Variants in ITSN2 observed in about 807,000 individuals in gnomAD.
ITSN2 encodes intersectin-2.
In ITSN2, 156 loss-of-function variants were observed where a neutral mutation model predicts 243.7. The observed-to-expected ratio is 0.64, with a 90% CI of 0.56 to 0.73. The LOEUF (loss-of-function observed/expected upper bound fraction) is 0.73. ITSN2 is among the 30% of genes least tolerant of loss of function. ITSN2 has a pLI of 0.00. For synonymous variants in ITSN2, 703 were observed against 699.9 expected (o/e 1.00, Z -0.07); for missense variants, 1,801 against 1,996.1 (o/e 0.90, Z 1.86).
intron 17 of ITSN2, among the ~76,000 whole-genome samples, chr2:24,276,970 T>C (rs1678087394): frequency 6.6e-6 from 1 of 152,188 alleles, no homozygotes; most frequent in South Asian, 2.1e-4. Context: ...GATTAGAGAC[T>C]GAGCTGGAGA....
At position 24,238,310 on chromosome 2, in the gene ITSN2, T is replaced by C. The variant is rs1275951721; in HGVS notation, c.3577+7819A>G. Among the ~76,000 whole-genome samples, 3 of 152,210 alleles carry C rather than the reference T, an allele frequency of 2.0e-5. No individual in the cohort carries two copies. The East Asian group carries it at 5.8e-4, about 29-fold the overall frequency. ...CAGTTTTGTATCCCCAGCACCTGCT[T>C]AGCCTTATGTAAACACTTCATACAT... On this transcript the variant is annotated intron_variant, in intron 29 of 39. Transcript: ENST00000355123.
chr2:24,290,766 G>A (rs978859831), intron 15 of ITSN2, among the ~76,000 whole-genome samples: 1 of 151,894 alleles, frequency 6.6e-6, no homozygotes, highest in Non-Finnish European at 1.5e-5. Flanking sequence ...CTTATCCTAC[G>A]TTGCCATACA....
chr2:24,359,962 G>C (rs1276367489), intron 1 of ITSN2, among the ~76,000 whole-genome samples: 1 of 152,156 alleles, frequency 6.6e-6, no homozygotes, highest in Non-Finnish European at 1.5e-5. Context: ...AAGCGAGGGG[G>C]CCACGCCACC....
At chr2:24,215,665 T>TAA (rs59939223) in intron 32 of ITSN2, among the ~76,000 whole-genome samples, 14 of 128,614 alleles carry the variant, frequency 1.1e-4, no homozygotes, top group South Asian at 2.5e-4. Flanking sequence ...AGATTCTGTT[T>TAA]AAAAAAAAAA....
At chr2:24,350,965 AC>A (rs1265146193) in intron 1 of ITSN2, among the ~76,000 whole-genome samples, 2 of 152,202 alleles carry the variant, frequency 1.3e-5, no homozygotes, top group African/African-American at 4.8e-5. Context: ...ACTAAAAAAC[AC>A]TGAACTGTAA....
intron 2 of ITSN2, among the ~76,000 whole-genome samples, chr2:24,319,534 C>G (rs950449650): frequency 6.6e-6 from 1 of 152,184 alleles, no homozygotes; most frequent in Non-Finnish European, 1.5e-5. Context: ...TTCCAGAGGT[C>G]TTCCCCCACC....
intron 32 of ITSN2, chr2:24,214,571 T>C (rs976815990): frequency 1.3e-5 from 2 of 152,328 alleles, no homozygotes; most frequent in Admixed American, 1.3e-4. Flanking sequence ...TTTGTTAGCA[T>C]GTCTTTTGGA....
chr2:24,327,018 AAAT>A (rs1232716031), intron 2 of ITSN2, among the ~76,000 whole-genome samples: 2 of 152,116 alleles, frequency 1.3e-5, no homozygotes, highest in African/African-American at 2.4e-5. Context: ...TTTTCAATTT[AAAT>A]AATAAAGAAT....
intron 1 of ITSN2, among the ~76,000 whole-genome samples, chr2:24,333,928 C>T (rs948177836): frequency 6.6e-6 from 1 of 152,166 alleles, no homozygotes; most frequent in Non-Finnish European, 1.5e-5. Flanking sequence ...CTCATTCTGT[C>T]ACTCAGACTG....
chr2:24,219,416 T>C (rs755256538), intron 30 of ITSN2, among the ~76,000 whole-genome samples: 10 of 152,246 alleles, frequency 6.6e-5, no homozygotes, highest in Non-Finnish European at 1.3e-4. Context: ...AGGCCACTCC[T>C]GTGAGAGCAG....
chr2:24,343,543 A>G (rs1444400543), intron 1 of ITSN2, among the ~76,000 whole-genome samples: 2 of 152,212 alleles, frequency 1.3e-5, no homozygotes, highest in African/African-American at 2.4e-5. Flanking sequence ...AACATTCTTC[A>G]TACATGTGTG....
rs1217404564 is a variant in ITSN2, at chr2:24,315,300, TC to T, written c.32-77del. On this transcript the variant is annotated intron_variant, in intron 2 of 39. Coordinates refer to ENST00000355123, the MANE Select transcript of ITSN2 (RefSeq NM_006277.3). ...TACAATTCTAAAATGTAAATAGAAATCACAAGTGTTCATTGTATGACAGTAT... is the reference window on the plus strand; with the variant it reads ...TACAATTCTAAAATGTAAATAGAAATACAAGTGTTCATTGTATGACAGTAT... 3.8e-6 allele frequency: 3 copies of T among 796,412 alleles called. No homozygotes were observed. The East Asian group carries it at 7.6e-5, about 20-fold the overall frequency. 49.3% of individuals were successfully genotyped at this position (796,412 alleles called of 1,614,324 possible).
At position 24,204,163 on chromosome 2, in the gene ITSN2, C is replaced by G; in HGVS notation, c.4936+82G>C. Reference sequence around the variant, plus strand: ...TCCCTGAAGTGGCATGGGGTCTGCACACAGCTGAAGCCCCTAGATCTGGAC... The same window carrying G: ...TCCCTGAAGTGGCATGGGGTCTGCAGACAGCTGAAGCCCCTAGATCTGGAC... On this transcript the variant is annotated intron_variant, in intron 39 of 39. Transcript: ENST00000355123. This position sits in a 1 kb window ranked among gnomAD's most constrained non-coding sequence, Gnocchi z 5.1. 7.1e-7 allele frequency: 1 copy of G among 1,411,404 alleles called. No individual in the cohort carries two copies. The highest frequency in any genetic ancestry group is 9.9e-7 in the Non-Finnish European group (1 of 1,006,330). The allele number at this position is 1,411,404 out of a possible 1,614,324, so 87.4% of individuals were successfully genotyped here. A position where few individuals can be genotyped will look rare whatever the true frequency, so the allele number is the denominator to read the frequency against.
At chr2:24,278,880 G>A (rs1411977701) in intron 17 of ITSN2, among the ~76,000 whole-genome samples, 1 of 151,988 alleles carries the variant, frequency 6.6e-6, no homozygotes, top group Non-Finnish European at 1.5e-5. Context: ...GTGAATTGTT[G>A]AGCTCAGGCA....
chr2:24,221,084 TA>T lies in ITSN2; in HGVS notation c.3578-19del. 6.3e-7 allele frequency: 1 copy of T among 1,595,972 alleles called. No individual in the cohort carries two copies. The highest frequency in any genetic ancestry group is 8.5e-7 in the Non-Finnish European group (1 of 1,174,526). ...AGCACACCCTGTGGAAAAAACAGGG[TA>T]GTTTAAAATATTACTTTAGTCAACT... On this transcript the variant is annotated intron_variant, in intron 29 of 39. Coordinates refer to ENST00000355123, the MANE Select transcript of ITSN2 (RefSeq NM_006277.3).
intron 1 of ITSN2, among the ~76,000 whole-genome samples, chr2:24,337,874 C>G (rs72855475): frequency 0.011 from 1,700 of 152,250 alleles, 27 homozygotes; most frequent in African/African-American, 0.039. Context: ...AACTTCCAAA[C>G]TATACTTGCT....
intron 1 of ITSN2, among the ~76,000 whole-genome samples, chr2:24,355,317 C>T (rs879477256): frequency 6.6e-6 from 1 of 152,220 alleles, no homozygotes; most frequent in Non-Finnish European, 1.5e-5. Flanking sequence ...CTACTTCACA[C>T]TTGGAATCCT....
intron 1 of ITSN2, among the ~76,000 whole-genome samples, chr2:24,333,896 GTTTT>G (rs1686054569): frequency 6.6e-6 from 1 of 151,998 alleles, no homozygotes; most frequent in African/African-American, 2.4e-5. Flanking sequence ...GGGTTTTTTT[GTTTT>G]GTTTTTTGAG....
rs953071617 is a variant in ITSN2 at position 24,302,198 on chromosome 2, TTTA to T, written c.858-99_858-97del. 1.1e-5 allele frequency: 7 copies of T among 631,996 alleles called. No homozygotes were observed. In the Admixed American group the frequency reaches 3.0e-4, roughly 27 times the overall value. 39.1% of individuals were successfully genotyped at this position (631,996 alleles called of 1,614,324 possible). The stretch of plus-strand genomic sequence containing the variant: ...TTTTTATTTTACTTTTATTTATTTA[TTTA>T]TTTATTTATTTATTTGAGATGGAGT... On this transcript the variant is annotated intron_variant, in intron 9 of 39. Coordinates refer to ENST00000355123, the MANE Select transcript of ITSN2 (RefSeq NM_006277.3).
Sources: gnomAD v4.1 joint callset for allele counts (sites outside exome capture counted in the v4.1 genomes callset) on GRCh38, gnomAD v4.1.1 for gene constraint, Gnocchi (gnomAD v3.1) non-coding constraint, MANE v1.5 for transcripts, NCBI Gene and HGNC (gene_info 2026-07-23, HGNC 2026-07-21) for gene names.